Variants in MCPH1 observed in about 807,000 individuals in gnomAD.
The protein encoded by MCPH1 is microcephalin.
A neutral mutation model predicts 84.5 loss-of-function variants in MCPH1; 104 were observed. That is an observed-to-expected ratio of 1.23 (90% CI 1.05 to 1.45). The LOEUF (loss-of-function observed/expected upper bound fraction) is 1.45. MCPH1 is among the 40% of genes most tolerant of loss of function. MCPH1 has a pLI of 0.00. For missense variants in MCPH1, 1,498 were observed against 1,005.7 expected (o/e 1.49, Z -6.62); for synonymous variants, 514 against 366.8 (o/e 1.40, Z -4.58).
intron 12 of MCPH1, among the ~76,000 whole-genome samples, chr8:6,601,782 A>T (rs1419740243): frequency 6.6e-6 from 1 of 151,620 alleles, no homozygotes; most frequent in Non-Finnish European, 1.5e-5. Context: ...ATCACGTACC[A>T]CATATACCCA....
intron 9 of MCPH1, among the ~76,000 whole-genome samples, chr8:6,475,140 C>T (rs1808278395): frequency 6.6e-6 from 1 of 152,190 alleles, no homozygotes; most frequent in South Asian, 2.1e-4. Context: ...TTGGTAAGAC[C>T]ATCTCATGAT....
intron 8 of MCPH1, among the ~76,000 whole-genome samples, chr8:6,450,147 G>C (rs1028772616): frequency 6.6e-6 from 1 of 152,128 alleles, no homozygotes; most frequent in Non-Finnish European, 1.5e-5. Flanking sequence ...CCAGGGTCTT[G>C]TTCATCGATA....
At chr8:6,517,329 G>A (rs974709850) in intron 12 of MCPH1, among the ~76,000 whole-genome samples, 2 of 152,152 alleles carry the variant, frequency 1.3e-5, no homozygotes, top group South Asian at 2.1e-4. Flanking sequence ...CAACTCTGAG[G>A]CAATGATTAA....
intron 12 of MCPH1, among the ~76,000 whole-genome samples, chr8:6,540,195 T>C (rs1463049652): frequency 1.3e-5 from 2 of 152,218 alleles, no homozygotes; most frequent in Non-Finnish European, 2.9e-5. Flanking sequence ...TTTTCACATA[T>C]ATTTGAATAT....
intron 3 of MCPH1, among the ~76,000 whole-genome samples, chr8:6,430,226 CT>C (rs1388841314): frequency 7.2e-5 from 11 of 152,298 alleles, no homozygotes; most frequent in Admixed American, 6.5e-4. Flanking sequence ...GCACTGTGTT[CT>C]TTTTTAAATT....
chr8:6,626,655 A>C, intron 13 of MCPH1: 1 of 984,934 alleles, frequency 1.0e-6, no homozygotes, highest in South Asian at 4.7e-5. Context: ...TTTTCCCCCC[A>C]ACACTCCCAT....
At chr8:6,472,339 A>G (rs1807837510) in intron 9 of MCPH1, among the ~76,000 whole-genome samples, 1 of 152,258 alleles carries the variant, frequency 6.6e-6, no homozygotes, top group Non-Finnish European at 1.5e-5. Context: ...TTTGTCCCAT[A>G]TAACTTATCA....
At chr8:6,461,261 T>C (rs2442500) in intron 9 of MCPH1, among the ~76,000 whole-genome samples, 103,299 of 145,368 alleles carry the variant, frequency 0.71, 39,697 homozygotes, top group Non-Finnish European at 0.85. Flanking sequence ...TATAAATCAG[T>C]CAGAAAAAGA....
At chr8:6,616,997 T>G (rs898354254) in intron 12 of MCPH1, 6 of 152,148 alleles carry the variant, frequency 3.9e-5, no homozygotes, top group African/African-American at 1.4e-4. Context: ...GTTTTACAGC[T>G]TCATAAGTTG....
chr8:6,636,756 T>C (rs1797586774), intron 13 of MCPH1, among the ~76,000 whole-genome samples: 1 of 152,226 alleles, frequency 6.6e-6, no homozygotes, highest in African/African-American at 2.4e-5. Flanking sequence ...ACTCTGGTCC[T>C]ATCTTCAAGA....
At chr8:6,485,143 G>A (rs1173042408) in intron 11 of MCPH1, among the ~76,000 whole-genome samples, 7 of 152,046 alleles carry the variant, frequency 4.6e-5, no homozygotes, top group African/African-American at 1.7e-4. Context: ...TGGCCAAGAT[G>A]GTGAAACTCC....
chr8:6,561,813 C>A (rs897590953), intron 12 of MCPH1, among the ~76,000 whole-genome samples: 1 of 152,138 alleles, frequency 6.6e-6, no homozygotes, highest in African/African-American at 2.4e-5. Flanking sequence ...AAAAACAGAG[C>A]TTTCAATATC....
chr8:6,567,565 A>C (rs1462560552), intron 12 of MCPH1, among the ~76,000 whole-genome samples: 1 of 152,214 alleles, frequency 6.6e-6, no homozygotes, highest in Non-Finnish European at 1.5e-5. Flanking sequence ...CTGGGATGCA[A>C]GTGTGCATGG....
intron 2 of MCPH1, among the ~76,000 whole-genome samples, chr8:6,410,230 T>C (rs911533605): frequency 2.0e-5 from 3 of 151,926 alleles, no homozygotes; most frequent in Non-Finnish European, 4.4e-5. Context: ...CACCTCGGCC[T>C]CCCAAAGTGC....
chr8:6,492,642 ATAT>A (rs1158461849), intron 11 of MCPH1, among the ~76,000 whole-genome samples: 2 of 148,258 alleles, frequency 1.3e-5, no homozygotes, highest in African/African-American at 2.4e-5. Flanking sequence ...TTATTTAATA[ATAT>A]TAATATTAAA....
At chr8:6,421,870 C>G (rs1044668559) in intron 3 of MCPH1, among the ~76,000 whole-genome samples, 16 of 152,144 alleles carry the variant, frequency 1.1e-4, no homozygotes, top group African/African-American at 2.6e-4. Flanking sequence ...GCTTCCACGT[C>G]CCCAAGGCTA....
intron 3 of MCPH1, among the ~76,000 whole-genome samples, chr8:6,423,144 G>C (rs994159862): frequency 6.7e-6 from 1 of 148,554 alleles, no homozygotes; most frequent in Non-Finnish European, 1.5e-5. Context: ...AAGGTCCTCA[G>C]AAGCTCAAAA....
chr8:6,624,664 T>TAATA (rs139420640), intron 13 of MCPH1, among the ~76,000 whole-genome samples: 150 of 152,310 alleles, frequency 9.8e-4, no homozygotes, highest in African/African-American at 3.5e-3. Flanking sequence ...CATTATCCTT[T>TAATA]AATAGACAAG....
At chr8:6,519,753 G>C in intron 12 of MCPH1, 3 of 1,403,390 alleles carry the variant, frequency 2.1e-6, no homozygotes, top group Non-Finnish European at 2.9e-6. Flanking sequence ...GCTTTGTACT[G>C]TGTGAGGCTG....
Sources: gnomAD v4.1 joint callset for allele counts (sites outside exome capture counted in the v4.1 genomes callset) on GRCh38, gnomAD v4.1.1 for gene constraint, MANE v1.5 for transcripts, NCBI Gene and HGNC (gene_info 2026-07-23, HGNC 2026-07-21) for gene names.